The following TRIM3 variants were observed in gnomAD, a reference collection of about 807,000 sequenced individuals.
TRIM3 encodes the protein tripartite motif containing 3.
A neutral mutation model predicts 66.6 loss-of-function variants in TRIM3; 13 were observed. The ratio of observed to expected loss-of-function variants is 0.20; its 90% confidence interval spans 0.13 to 0.31. The LOEUF (loss-of-function observed/expected upper bound fraction) is 0.31, where lower values mean the gene tolerates loss of function less well. TRIM3 is among the 10% of genes least tolerant of loss of function. The pLI, the probability that TRIM3 is intolerant of heterozygous loss-of-function variation, is 1.00. For synonymous variants in TRIM3, 406 were observed against 411.7 expected, an observed-to-expected ratio of 0.99 and a Z score of 0.17; for missense variants, 711 against 1,020.4, an observed-to-expected ratio of 0.70 and a Z score of 4.13.
intron 2 of TRIM3, among the ~76,000 whole-genome samples, chr11:6,461,545 C>G (rs1850240565): frequency 6.8e-6 from 1 of 147,868 alleles, no homozygotes; most frequent in Admixed American, 7.0e-5. Flanking sequence ...TTTCTTAATT[C>G]CTTGACCTTC....
chr11:6,469,885 G>GT (rs1012248574), intron 1 of TRIM3, among the ~76,000 whole-genome samples: 32 of 152,258 alleles, frequency 2.1e-4, no homozygotes, highest in African/African-American at 7.2e-4. Context: ...CCTAAAGAAA[G>GT]TAACGTTCAA....
chr11:6,449,654 A>AGCGAAGAGCTG lies in TRIM3; in HGVS notation c.1942-209_1942-208insCAGCTCTTCGC. 1 of 469,848 alleles carries AGCGAAGAGCTG rather than the reference A, an allele frequency of 2.1e-6. No homozygotes were observed. The highest frequency in any genetic ancestry group is 4.7e-5 in the South Asian group (1 of 21,364). The allele number at this position is 469,848 out of a possible 1,614,324, so 29.1% of individuals were successfully genotyped here. A position where few individuals can be genotyped will look rare whatever the true frequency, so the allele number is the denominator to read the frequency against. On this transcript the variant is annotated intron_variant, in intron 10 of 11. Coordinates refer to ENST00000345851, the MANE Select transcript of TRIM3 (RefSeq NM_033278.4). The surrounding 1 kb of genome is among the most constrained non-coding windows in gnomAD (Gnocchi z 5.3). ...GTCCATTGGGAATATCAAATCTAACAGCTCATTTTCTTTGGGAAATCAGTT... is the reference window on the plus strand; with the variant it reads ...GTCCATTGGGAATATCAAATCTAACAGCGAAGAGCTGGCTCATTTTCTTTGGGAAATCAGTT...
In TRIM3 at chr11:6,465,613, C is replaced by T. The variant is rs146379181; in HGVS notation, c.83G>A (p.Arg28Gln). ...AGGAAGAACCTTGGGGCACTGGTACCGATCCAGGCAGATGCTGCATACCAG... is the reference window on the plus strand; with the variant it reads ...AGGAAGAACCTTGGGGCACTGGTACTGATCCAGGCAGATGCTGCATACCAG... ...QFLVCSICLDRYQCPKVLPCL... is the reference protein window; with the variant it reads ...QFLVCSICLDQYQCPKVLPCL... The change falls in exon 2 of 12, where the codon CGG becomes CAG. Residue 28 changes from arginine to glutamine, a missense_variant. Around this residue, in one of 3 missense-constraint regions of TRIM3, gnomAD observed 149 missense variants for 240.3 expected, o/e 0.62. Transcript: ENST00000345851. 7.8e-5 allele frequency: 126 copies of T among 1,614,138 alleles called. No homozygotes were observed. In the East Asian group the frequency reaches 1.7e-3, roughly 22 times the overall value.
chr11:6,466,912 G>T lies in TRIM3; in HGVS notation c.-37-1180C>A, dbSNP rs369222896. On this transcript the variant is annotated intron_variant, in intron 1 of 11. Transcript: ENST00000345851. ...CTCCACTCCATGCAGTGTTATTGAG[G>T]ATAGGCATTTTATTTATTTATTTAT... Among the ~76,000 whole-genome samples the T allele has an allele frequency of 4.2e-4, 64 of 152,188 alleles. 1 individual carries two copies. Among genetic ancestry groups the T allele is most frequent in the African/African-American group, 1.4e-3 (58 of 41,518 alleles).
In TRIM3 at chr11:6,456,423, C is replaced by A; in HGVS notation, c.1303G>T (p.Val435Phe). Residue 435 changes from valine (V) to phenylalanine (F), a missense_variant, in exon 6 of 12, where the codon GTC (valine) becomes TTC (phenylalanine). Physicochemically the swap from Val to Phe is conservative, Grantham distance 50. This residue lies in a region of TRIM3 where 399 missense variants were observed against 458.1 expected (regional missense o/e 0.87). Coordinates refer to ENST00000345851, the MANE Select transcript of TRIM3 (RefSeq NM_033278.4). The surrounding 1 kb of genome is among the most constrained non-coding windows in gnomAD (Gnocchi z 6.4). ...PPSPDDVKRR[V>F]KSPGGPGSHV... ...CTGCCGGGGCCGCCAGGGGACTTGA[C>A]ACGGCGCTTCACATCGTCCGGGGAA... 1.3e-6 allele frequency: 2 copies of A among 1,533,466 alleles called. No homozygotes were observed. Among genetic ancestry groups the A allele is most frequent in the Admixed American group, 2.0e-5 (1 of 49,786 alleles). 95.0% of individuals were successfully genotyped at this position (1,533,466 alleles called of 1,614,324 possible).
rs968285777 is a variant in TRIM3, at chr11:6,451,058, G to C, written c.1704C>G (p.Thr568=). The C allele has an allele frequency of 1.1e-5, 18 of 1,613,958 alleles. No homozygotes were observed. Among genetic ancestry groups the C allele is most frequent in the African/African-American group, 2.7e-5 (2 of 74,920 alleles). ...CCATGAGGCGGCCAGCTCCAATCTTGGTCTGGAGGAAGAGAATATCCATAA... is the reference window on the plus strand; with the variant it reads ...CCATGAGGCGGCCAGCTCCAATCTTCGTCTGGAGGAAGAGAATATCCATAA... ...SIFSPEGKFK[T]KIGAGRLMGP... The change falls in exon 9 of 12, where the codon ACC becomes ACG. Residue 568 remains threonine (T), a splice_region_variant and synonymous_variant. Coordinates refer to ENST00000345851, the MANE Select transcript of TRIM3 (RefSeq NM_033278.4).
At position 6,457,537 on chromosome 11, in the gene TRIM3, T is replaced by C; in HGVS notation, c.516-61A>G. The stretch of plus-strand genomic sequence containing the variant: ...GGTGGCTTTGCCGAACTTTCCCTTC[T>C]CCCTGGGGAACCTACTGCTGCCCTC... On this transcript the variant is annotated intron_variant, in intron 4 of 11. Transcript: ENST00000345851. This position sits in a 1 kb window ranked among gnomAD's most constrained non-coding sequence, Gnocchi z 4.5. The C allele has an allele frequency of 6.3e-7, 1 of 1,585,610 alleles. No individual in the cohort carries two copies. Among genetic ancestry groups the C allele is most frequent in the East Asian group, 2.2e-5 (1 of 44,566 alleles).
chr11:6,450,416 T>C lies in TRIM3; in HGVS notation c.1941+135A>G. 2.6e-6 allele frequency: 2 copies of C among 761,130 alleles called. No individual in the cohort carries two copies. Among genetic ancestry groups the C allele is most frequent in the Admixed American group, 4.3e-5 (2 of 46,698 alleles). The allele number at this position is 761,130 out of a possible 1,614,324, so 47.1% of individuals were successfully genotyped here. On this transcript the variant is annotated intron_variant, in intron 10 of 11. Coordinates refer to ENST00000345851, the MANE Select transcript of TRIM3 (RefSeq NM_033278.4). The surrounding 1 kb of genome is among the most constrained non-coding windows in gnomAD (Gnocchi z 4.8). Reference sequence around the variant, plus strand: ...CATACTGCCTGGGACAAAGCAGCCATGCATAAATGTGTAAATGTGTATTGT... The same window carrying C: ...CATACTGCCTGGGACAAAGCAGCCACGCATAAATGTGTAAATGTGTATTGT...
At chr11:6,455,861 G>A (rs1469611649) in intron 7 of TRIM3, among the ~76,000 whole-genome samples, 1 of 152,182 alleles carries the variant, frequency 6.6e-6, no homozygotes. Context: ...TCTGGTTTCT[G>A]ACTGAAGGTG....
Position 6,458,111 on chromosome 11 carries a change from C to G in TRIM3, c.317G>C (p.Ser106Thr). 6.2e-7 allele frequency: 1 copy of G among 1,613,456 alleles called. No homozygotes were observed. Among genetic ancestry groups the G allele is most frequent in the Non-Finnish European group, 8.5e-7 (1 of 1,179,946 alleles). The change falls in exon 3 of 12, where the codon AGT becomes ACT. Residue 106 changes from serine to threonine, a missense_variant. This residue lies in a region of TRIM3 where 149 missense variants were observed against 240.3 expected (regional missense o/e 0.62). Coordinates refer to ENST00000345851, the MANE Select transcript of TRIM3 (RefSeq NM_033278.4). This position sits in a 1 kb window ranked among gnomAD's most constrained non-coding sequence, Gnocchi z 6.2. ...GGAGAGAGGGCGGCCAGCCACTACA[C>G]TGAGGGGGTGGGGGTCCTCCGGGTC... ...AHDPEDPHPL[S>T]VVAGRPLSCP...
chr11:6,451,722 C>A (rs1849728693), intron 7 of TRIM3: 1 of 402,202 alleles, frequency 2.5e-6, no homozygotes. Flanking sequence ...CCACATAAAC[C>A]AAATTCGGCC....
Position 6,473,791 on chromosome 11 carries a change from C to G in TRIM3, c.-38G>C, listed in dbSNP as rs964358714. ...CTTGGGGCCCGCCCGTCGCACTCAC[C>G]GCGTTGGAACAGGATGCGAGGGCAA... On this transcript the variant is annotated splice_region_variant and 5_prime_UTR_variant, in exon 1 of 12. Transcript: ENST00000345851. 1 of 152,264 alleles carries G rather than the reference C, an allele frequency of 6.6e-6. No individual in the cohort carries two copies. Among genetic ancestry groups the G allele is most frequent in the Non-Finnish European group, 1.5e-5 (1 of 68,098 alleles). The allele number at this position is 152,264 out of a possible 1,614,324, so 9.4% of individuals were successfully genotyped here.
intron 1 of TRIM3, among the ~76,000 whole-genome samples, chr11:6,471,072 A>G (rs1476306511): frequency 6.6e-6 from 1 of 152,232 alleles, no homozygotes; most frequent in Non-Finnish European, 1.5e-5. Flanking sequence ...AAATGAAGAC[A>G]GCCAGTGCTG....
At chr11:6,472,729 G>A (rs1357900743) in intron 1 of TRIM3, among the ~76,000 whole-genome samples, 1 of 152,168 alleles carries the variant, frequency 6.6e-6, no homozygotes. Flanking sequence ...GCAGTAACAA[G>A]ACAAGTGAAT....
rs1381865604 is a variant in TRIM3, at chr11:6,465,552, C to T, written c.131+13G>A. 6.2e-7 allele frequency: 1 copy of T among 1,614,068 alleles called. No individual in the cohort carries two copies. The highest frequency in any genetic ancestry group is 8.5e-7 in the Non-Finnish European group (1 of 1,179,964). On this transcript the variant is annotated intron_variant, in intron 2 of 11. Coordinates refer to ENST00000345851, the MANE Select transcript of TRIM3 (RefSeq NM_033278.4). ...AGGGTCCTCATCCCTCCCCAGTACACACATCCCCTCACCTCTCACAGAAGG... is the reference window on the plus strand; with the variant it reads ...AGGGTCCTCATCCCTCCCCAGTACATACATCCCCTCACCTCTCACAGAAGG...
At chr11:6,467,811 A>G (rs1289786621) in intron 1 of TRIM3, among the ~76,000 whole-genome samples, 1 of 152,168 alleles carries the variant, frequency 6.6e-6, no homozygotes, top group South Asian at 2.1e-4. Context: ...GGGGGGGATG[A>G]TGTGGTTTAT....
intron 2 of TRIM3, among the ~76,000 whole-genome samples, chr11:6,459,726 G>T (rs1021799243): frequency 6.6e-6 from 1 of 152,166 alleles, no homozygotes; most frequent in African/African-American, 2.4e-5. Context: ...AAGGTGGGAG[G>T]TGTTGTCTGA....
At chr11:6,472,644 T>C (rs1043497538) in intron 1 of TRIM3, among the ~76,000 whole-genome samples, 1 of 152,226 alleles carries the variant, frequency 6.6e-6, no homozygotes, top group African/African-American at 2.4e-5. Context: ...AAGTACTCAG[T>C]ATATGTTGGT....
In TRIM3 at chr11:6,456,069, T is replaced by C; in HGVS notation, c.1533+3A>G. The C allele has an allele frequency of 6.2e-7, 1 of 1,614,044 alleles. No homozygotes were observed. The highest frequency in any genetic ancestry group is 8.5e-7 in the Non-Finnish European group (1 of 1,179,902). ...GGTGGAGGAGAGCGGTAAAGGTGCT[T>C]ACCTGAATACACTGGTTGTTGCTGT... On this transcript the variant is annotated splice_donor_region_variant and intron_variant, in intron 7 of 11. Transcript: ENST00000345851. This position sits in a 1 kb window ranked among gnomAD's most constrained non-coding sequence, Gnocchi z 6.4.
Sources: allele counts gnomAD v4.1 joint callset (sites outside exome capture counted in the v4.1 genomes callset), GRCh38; gene constraint gnomAD v4.1.1; regional missense constraint gnomAD v4.1.1; non-coding constraint Gnocchi (gnomAD v3.1); transcripts MANE v1.5; gene names NCBI Gene and HGNC (gene_info 2026-07-23, HGNC 2026-07-21).